Variants in CFAP70 observed in about 807,000 individuals in gnomAD.
CFAP70 encodes cilia- and flagella-associated protein 70.
In CFAP70, 81 loss-of-function variants were observed where a neutral mutation model predicts 137.6. The observed-to-expected ratio is 0.59, with a 90% CI of 0.49 to 0.71. The LOEUF is 0.71. Among genes scored for constraint, CFAP70 ranks in the 30% least tolerant of loss-of-function variants. The probability of loss-of-function intolerance (pLI) is 0.00; values close to 1 mark genes in which losing one functional copy is unlikely to be tolerated. For missense variants in CFAP70, 976 were observed against 1,226.7 expected, an observed-to-expected ratio of 0.80 and a Z score of 3.05; for synonymous variants, 382 against 423.6, an observed-to-expected ratio of 0.90 and a Z score of 1.20.
rs551707557 is a variant in CFAP70, at chr10:73,316,487, GATATAT to G, written c.913-3850_913-3845del. Reference sequence around the variant, plus strand: ...AGATATATATATATATATAGATATAGATATATATATATATATATATATATATGACGT... The same window carrying G: ...AGATATATATATATATATAGATATAGATATATATATATATATATATGACGT... On this transcript the variant is annotated intron_variant, in intron 9 of 26. Transcript: ENST00000310715. Among the ~76,000 whole-genome samples the G allele has an allele frequency of 1.8e-3, 184 of 100,936 alleles. 3 individuals carry two copies. Among genetic ancestry groups the G allele is most frequent in the South Asian group, 2.8e-3 (8 of 2,874 alleles). 66.2% of individuals were successfully genotyped at this position (100,936 alleles called of 152,430 possible).
Position 73,262,053 on chromosome 10 carries a change from T to TG in CFAP70, c.3028-5638_3028-5637insC, listed in dbSNP as rs1554875472. ...TATGTATATATGTATATATTATATA[T>TG]TATATATGTATATATGTATATATTA... On this transcript the variant is annotated intron_variant, in intron 25 of 26. Coordinates refer to ENST00000310715, the Ensembl canonical transcript of CFAP70. Among the ~76,000 whole-genome samples the TG allele has an allele frequency of 1.5e-3, 213 of 137,456 alleles. 1 individual carries two copies. Among genetic ancestry groups the TG allele is most frequent in the African/African-American group, 5.3e-3 (192 of 36,012 alleles). The allele number at this position is 137,456 out of a possible 152,430, so 90.2% of individuals were successfully genotyped here.
At chr10:73,289,811 C>T (rs1004114675) in intron 19 of CFAP70, among the ~76,000 whole-genome samples, 1 of 151,770 alleles carries the variant, frequency 6.6e-6, no homozygotes, top group African/African-American at 2.4e-5. Flanking sequence ...TTTGGGAGGC[C>T]GAGGCAGGCA....
chr10:73,351,267 C>T lies in CFAP70; in HGVS notation c.250+2289G>A, dbSNP rs547122837. Among the ~76,000 whole-genome samples the T allele has an allele frequency of 1.6e-4, 24 of 150,232 alleles. No individual in the cohort carries two copies. The East Asian group carries it at 3.3e-3, about 21-fold the overall frequency. ...CTGAGTAGCTGGGACTACAGGTGCCCGCCACCACACCCAGCTAATTTTTTG... is the reference window on the plus strand; with the variant it reads ...CTGAGTAGCTGGGACTACAGGTGCCTGCCACCACACCCAGCTAATTTTTTG... On this transcript the variant is annotated intron_variant, in intron 3 of 26. Coordinates refer to ENST00000310715, the Ensembl canonical transcript of CFAP70.
intron 8 of CFAP70, among the ~76,000 whole-genome samples, chr10:73,329,527 AAAAC>A (rs1042797496): frequency 1.3e-5 from 2 of 152,166 alleles, no homozygotes; most frequent in Non-Finnish European, 2.9e-5. Flanking sequence ...AACAAACAAA[AAAAC>A]AGTGTTAATA....
intron 19 of CFAP70, among the ~76,000 whole-genome samples, chr10:73,289,142 A>C (rs900120508): frequency 6.6e-6 from 1 of 152,194 alleles, no homozygotes; most frequent in South Asian, 2.1e-4. Flanking sequence ...AATCCAGGCT[A>C]ATAGAATTGA....
intron 12 of CFAP70, among the ~76,000 whole-genome samples, chr10:73,301,656 G>A (rs2048965249): frequency 6.6e-6 from 1 of 152,202 alleles, no homozygotes; most frequent in Non-Finnish European, 1.5e-5. Flanking sequence ...ATGTACATGG[G>A]ATTTCAACTT....
chr10:73,329,707 C>T (rs2051871176), intron 8 of CFAP70, among the ~76,000 whole-genome samples: 1 of 152,062 alleles, frequency 6.6e-6, no homozygotes, highest in Middle Eastern at 3.2e-3. Flanking sequence ...TGGCTTTTAC[C>T]TTTAGTTCAC....
intron 12 of CFAP70, 41 bp downstream of exon 13, chr10:73,310,117 C>A (rs1174047066): frequency 7.4e-7 from 1 of 1,354,390 alleles, no homozygotes; most frequent in Non-Finnish European, 1.0e-6. Flanking sequence ...TTATTTATAC[C>A]CAAATTGTAC....
At position 73,299,451 on chromosome 10, in the gene CFAP70, C is replaced by G; in HGVS notation, c.1317+154G>C. 1.2e-5 allele frequency: 8 copies of G among 640,050 alleles called. No individual in the cohort carries two copies. In the South Asian group the frequency reaches 1.6e-4, roughly 13 times the overall value. 39.6% of individuals were successfully genotyped at this position (640,050 alleles called of 1,614,324 possible). On this transcript the variant is annotated intron_variant, in intron 13 of 26. Coordinates refer to ENST00000310715, the Ensembl canonical transcript of CFAP70. ...AGATTAAACACTGTATGCTATATGC[C>G]ATTGATCACAAATGGAACCAGCAAT...
chr10:73,346,473 T>C (rs1170681060), intron 4 of CFAP70, among the ~76,000 whole-genome samples: 1 of 151,626 alleles, frequency 6.6e-6, no homozygotes, highest in East Asian at 2.0e-4. Context: ...CCATCTCTAC[T>C]AAAAGAGAAA....
upstream of CFAP70, among the ~76,000 whole-genome samples, chr10:73,362,233 C>G (rs1589636716): frequency 6.6e-6 from 1 of 152,210 alleles, no homozygotes; most frequent in African/African-American, 2.4e-5. Flanking sequence ...GGACCCTTAC[C>G]TCACACCATA....
intron 12 of CFAP70, 90 bp downstream of exon 13, chr10:73,310,068 C>G: frequency 1.3e-6 from 1 of 789,750 alleles, no homozygotes; most frequent in South Asian, 1.9e-5. Context: ...CTGCTTAGCC[C>G]AAGGGAAATT....
rs60294953 is a variant in CFAP70 at position 73,309,658 on chromosome 10, A to ATTTTTTTTTTTTTTT, written c.1256+485_1256+499dup. ...TCTTGTTCATCCGTATTTCCTAAGA[A>ATTTTTTTTTTTTTTT]TTTTTTTTTTTTTTTAGAGATAGAG... On this transcript the variant is annotated intron_variant, in intron 12 of 26. Coordinates refer to ENST00000310715, the Ensembl canonical transcript of CFAP70. Among the ~76,000 whole-genome samples the ATTTTTTTTTTTTTTT allele has an allele frequency of 4.5e-3, 607 of 136,182 alleles. 13 individuals are homozygous for ATTTTTTTTTTTTTTT. Among genetic ancestry groups the ATTTTTTTTTTTTTTT allele is most frequent in the East Asian group, 0.014 (61 of 4,312 alleles). 89.3% of individuals were successfully genotyped at this position (136,182 alleles called of 152,430 possible).
intron 12 of CFAP70, among the ~76,000 whole-genome samples, chr10:73,300,120 A>C (rs998218942): frequency 6.6e-6 from 1 of 152,142 alleles, no homozygotes; most frequent in Non-Finnish European, 1.5e-5. Context: ...ATAAAAGTGT[A>C]CTCTTGGCAT....
exon 21 of CFAP70, chr10:73,277,302 A>G (rs1455879618): frequency 1.2e-6 from 2 of 1,614,152 alleles, no homozygotes; most frequent in Non-Finnish European, 1.7e-6. Context: ...GTAGTTTGAG[A>G]AACACCATAA....
intron 25 of CFAP70, among the ~76,000 whole-genome samples, chr10:73,264,464 T>G (rs2045569255): frequency 1.3e-5 from 2 of 152,238 alleles, no homozygotes; most frequent in Admixed American, 6.5e-5. Context: ...TATCAGTATC[T>G]CCCATTCTAA....
At chr10:73,254,126 CT>C in intron 26 of CFAP70, 71 bp from the exon 28 acceptor site, 1 of 1,083,918 alleles carries the variant, frequency 9.2e-7, no homozygotes, top group East Asian at 4.8e-5. Context: ...TTGAAGACCC[CT>C]CTTTTGTGGG....
At chr10:73,293,434 A>T in intron 15 of CFAP70, 46 bp from the exon 17 acceptor site, 1 of 1,515,314 alleles carries the variant, frequency 6.6e-7, no homozygotes, top group African/African-American at 1.4e-5. Context: ...AAACAATTAC[A>T]AGTAGAGAGG....
At chr10:73,349,469 G>C (rs966919205) in intron 3 of CFAP70, among the ~76,000 whole-genome samples, 2 of 152,142 alleles carry the variant, frequency 1.3e-5, no homozygotes, top group African/African-American at 2.4e-5. Context: ...CGTGAACCCA[G>C]GAGGTGGAGC....
Sources: allele counts gnomAD v4.1 joint callset (sites outside exome capture counted in the v4.1 genomes callset), GRCh38; gene constraint gnomAD v4.1.1; transcripts MANE v1.5; gene names NCBI Gene and HGNC (gene_info 2026-07-23, HGNC 2026-07-21).